The following PARP11 variants were observed in gnomAD, a reference collection of about 807,000 sequenced individuals.
PARP11 encodes the protein protein mono-ADP-ribosyltransferase PARP11.
PARP11 carries 31 observed loss-of-function variants against 42.9 expected under a neutral mutation model. That is an observed-to-expected ratio of 0.72 (90% CI 0.54 to 0.98). PARP11 has a LOEUF of 0.98. Ranked by LOEUF, PARP11 falls within the 50% of genes least tolerant of loss-of-function variation. The probability of loss-of-function intolerance (pLI) is 0.00; values close to 1 mark genes in which losing one functional copy is unlikely to be tolerated. For missense variants in PARP11, 365 were observed against 413.1 expected (o/e 0.88, Z 1.01); for synonymous variants, 137 against 127.3 (o/e 1.08, Z -0.51).
In PARP11 at chr12:3,812,176, CA is replaced by C; in HGVS notation, c.963del (p.Phe321LeufsTer14). Reference sequence around the variant, plus strand: ...TAGATTTGGTTGGCATCAAAAACCACAAAGATCTTTGGGTTCCAGGTATCAT... The same window carrying C: ...TAGATTTGGTTGGCATCAAAAACCACAAGATCTTTGGGTTCCAGGTATCAT... The part of the protein sequence containing the change: ...CVDDTWNPKI[F>X]VVFDANQIYP... On this transcript the variant is annotated frameshift_variant, in exon 8 of 8. Coordinates refer to ENST00000228820, the MANE Select transcript of PARP11 (RefSeq NM_020367.6). LOFTEE classifies it high-confidence loss of function. 6.2e-7 allele frequency: 1 copy of C among 1,614,046 alleles called. No individual in the cohort carries two copies. The highest frequency in any genetic ancestry group is 8.5e-7 in the Non-Finnish European group (1 of 1,180,012).
intron 1 of PARP11, among the ~76,000 whole-genome samples, chr12:3,867,504 A>G (rs1287852360): frequency 6.6e-6 from 1 of 152,242 alleles, no homozygotes; most frequent in Non-Finnish European, 1.5e-5. Context: ...AGTGGAGTAT[A>G]GCAGAGATAT....
chr12:3,845,567 G>A (rs1947979727), intron 1 of PARP11, among the ~76,000 whole-genome samples: 1 of 152,092 alleles, frequency 6.6e-6, no homozygotes, highest in Admixed American at 6.6e-5. Context: ...ATTTTTAGAT[G>A]AGGTAAATGT....
At chr12:3,849,644 G>A (rs1948060818) in intron 1 of PARP11, among the ~76,000 whole-genome samples, 1 of 152,154 alleles carries the variant, frequency 6.6e-6, no homozygotes, top group Non-Finnish European at 1.5e-5. Context: ...GTTACCAGAG[G>A]CTGGGAAGGG....
intron 1 of PARP11, among the ~76,000 whole-genome samples, chr12:3,850,163 TTAAA>T (rs1948070899): frequency 6.6e-6 from 1 of 152,092 alleles, no homozygotes; most frequent in Admixed American, 6.6e-5. Context: ...ATGTAATAAA[TTAAA>T]TATAGATGCT....
chr12:3,841,865 A>G, intron 1 of PARP11: 1 of 1,608,684 alleles, frequency 6.2e-7, no homozygotes, highest in Non-Finnish European at 8.5e-7. Flanking sequence ...GAAAATCTGG[A>G]TCTGTCTAAA....
chr12:3,840,861 A>G lies in PARP11; in HGVS notation c.19-10843T>C, dbSNP rs889177653. The stretch of plus-strand genomic sequence containing the variant: ...GCCCTTCTCCTGCAGAACAAAAGCC[A>G]GCAGAACATGTGTCTTTGTCAAATC... On this transcript the variant is annotated intron_variant, in intron 1 of 7. Coordinates refer to ENST00000228820, the MANE Select transcript of PARP11 (RefSeq NM_020367.6). This position sits in a 1 kb window ranked among gnomAD's most constrained non-coding sequence, Gnocchi z 4.4. 6.3e-6 allele frequency: 10 copies of G among 1,599,936 alleles called. No individual in the cohort carries two copies. Among genetic ancestry groups the G allele is most frequent in the Non-Finnish European group, 8.6e-6 (10 of 1,166,990 alleles).
Position 3,822,108 on chromosome 12 carries a change from C to T in PARP11, c.394G>A (p.Val132Met). ...AIPMPPHWEN[V>M]NTQVPYQLIP... ...ACCTGATATGGTACTTGAGTATTCA[C>T]ATTCTCCCAGTGTGGTGGCATAGGG... is the stretch of plus-strand genomic sequence containing the variant. Residue 132 changes from valine (V) to methionine (M), a missense_variant, in exon 5 of 8, where the codon GTG (valine) becomes ATG (methionine). Val to Met is a conservative substitution (Grantham distance 21, BLOSUM62 1). Coordinates refer to ENST00000228820, the MANE Select transcript of PARP11 (RefSeq NM_020367.6). 6.2e-7 allele frequency: 1 copy of T among 1,614,020 alleles called. No homozygotes were observed. Among genetic ancestry groups the T allele is most frequent in the South Asian group, 1.1e-5 (1 of 91,068 alleles).
intron 6 of PARP11, among the ~76,000 whole-genome samples, chr12:3,815,998 T>G (rs923957753): frequency 1.3e-5 from 2 of 152,214 alleles, no homozygotes; most frequent in Non-Finnish European, 2.9e-5. Flanking sequence ...AAAATTTAAA[T>G]GTATATGCTT....
intron 1 of PARP11, among the ~76,000 whole-genome samples, chr12:3,839,161 C>CGCCGCCT (rs570116276): frequency 0.028 from 4,132 of 149,380 alleles, 94 homozygotes; most frequent in East Asian, 0.087. Context: ...GGGCCGCCGC[C>CGCCGCCT]GCCGCCTGCC....
intron 1 of PARP11, among the ~76,000 whole-genome samples, chr12:3,831,063 T>C (rs548825630): frequency 1.3e-5 from 2 of 152,298 alleles, no homozygotes; most frequent in African/African-American, 4.8e-5. Flanking sequence ...TCCTCATTCT[T>C]TGAGGGTTTT....
At chr12:3,827,771 T>G (rs1391002345) in intron 3 of PARP11, among the ~76,000 whole-genome samples, 1 of 152,166 alleles carries the variant, frequency 6.6e-6, no homozygotes, top group Admixed American at 6.5e-5. Flanking sequence ...TGGGCCTTGG[T>G]TCATCCAAGG....
chr12:3,814,471 T>C (rs1419483140), intron 6 of PARP11, among the ~76,000 whole-genome samples: 1 of 152,174 alleles, frequency 6.6e-6, no homozygotes, highest in Non-Finnish European at 1.5e-5. Context: ...TAAAGGTAAT[T>C]GATTGTCTAA....
chr12:3,822,277 T>C, intron 4 of PARP11, 120 bp from the exon 5 acceptor site: 1 of 751,784 alleles, frequency 1.3e-6, no homozygotes, highest in Non-Finnish European at 2.2e-6. Context: ...TGCAATTAAA[T>C]ACAGCCTTCC....
intron 1 of PARP11, among the ~76,000 whole-genome samples, chr12:3,845,881 ATGCTGGGAAGCAGCAACTT>A (rs1197813107): frequency 6.6e-6 from 1 of 152,222 alleles, no homozygotes; most frequent in East Asian, 1.9e-4. Context: ...GCATGTCTTA[ATGCTGGGAAGCAGCAACTT>A]TGGGGTTGAA....
chr12:3,825,239 A>G (rs926085035), intron 4 of PARP11, among the ~76,000 whole-genome samples: 1 of 152,256 alleles, frequency 6.6e-6, no homozygotes, highest in Non-Finnish European at 1.5e-5. Flanking sequence ...CATTCACATG[A>G]ATAATAAATA....
Position 3,822,126 on chromosome 12 carries a change from G to C in PARP11, c.376C>G (p.Pro126Ala). The stretch of plus-strand genomic sequence containing the variant: ...GTATTCACATTCTCCCAGTGTGGTG[G>C]CATAGGGATGGCCTCGTTTTCACAG... ...YICENEAIPMPPHWENVNTQV... is the reference protein window; with the variant it reads ...YICENEAIPMAPHWENVNTQV... Residue 126 changes from proline (P) to alanine (A), a missense_variant, in exon 5 of 8, where the codon CCA becomes GCA. Transcript: ENST00000228820. 1 of 1,613,894 alleles carries C rather than the reference G, an allele frequency of 6.2e-7. No individual in the cohort carries two copies. Among genetic ancestry groups the C allele is most frequent in the South Asian group, 1.1e-5 (1 of 91,066 alleles).
intron 6 of PARP11, 131 bp downstream of exon 6, chr12:3,821,742 G>T: frequency 1.1e-6 from 1 of 937,602 alleles, no homozygotes; most frequent in Non-Finnish European, 1.6e-6. Context: ...AGAGCCTTGA[G>T]ACCAGGTCAA....
At chr12:3,849,889 T>C (rs1175948335) in intron 1 of PARP11, among the ~76,000 whole-genome samples, 1 of 152,182 alleles carries the variant, frequency 6.6e-6, no homozygotes, top group Non-Finnish European at 1.5e-5. Flanking sequence ...CCTGATTTCA[T>C]ATGTAAATTT....
intron 1 of PARP11, among the ~76,000 whole-genome samples, chr12:3,848,727 TAAG>T (rs894212853): frequency 6.6e-6 from 1 of 151,834 alleles, no homozygotes; most frequent in Non-Finnish European, 1.5e-5. Flanking sequence ...ACTGGGGAAA[TAAG>T]AACATTGGTC....
Sources: allele counts gnomAD v4.1 joint callset (sites outside exome capture counted in the v4.1 genomes callset), GRCh38; gene constraint gnomAD v4.1.1; non-coding constraint Gnocchi (gnomAD v3.1); transcripts MANE v1.5; gene names NCBI Gene and HGNC (gene_info 2026-07-23, HGNC 2026-07-21).